LAMP3: variants seen among roughly 807,000 people sequenced by gnomAD.
The protein encoded by LAMP3 is lysosome associated membrane protein 3, also known as lysosome-associated membrane glycoprotein 3.
A neutral mutation model predicts 34.8 loss-of-function variants in LAMP3; 26 were observed. That is an observed-to-expected ratio of 0.75 (90% CI 0.55 to 1.04). The LOEUF is 1.04. Among genes scored for constraint, LAMP3 ranks in the 50% least tolerant of loss-of-function variants. LAMP3 has a pLI of 0.00. For synonymous variants in LAMP3, 180 were observed against 201.9 expected (o/e 0.89, Z 0.92); for missense variants, 495 against 524.0 (o/e 0.94, Z 0.54).
intron 4 of LAMP3, among the ~76,000 whole-genome samples, chr3:183,140,087 C>G (rs934064579): frequency 2.0e-5 from 3 of 152,158 alleles, no homozygotes; most frequent in African/African-American, 7.2e-5. Flanking sequence ...AATCACATTG[C>G]TGGCTGCTTT....
In LAMP3 at chr3:183,162,635, C is replaced by T. The variant is rs769114693; in HGVS notation, c.21G>A (p.Ala7=). Residue 7 remains alanine, a synonymous_variant, in exon 1 of 6, where the codon GCG becomes GCA. Coordinates refer to ENST00000265598, the MANE Select transcript of LAMP3 (RefSeq NM_014398.4). ...CCAGGGACGCGAAGAGCGCGGCCGC[C>T]GCGCTGAGCTGCCGGGGCATGGTGG... is the stretch of plus-strand genomic sequence containing the variant. MPRQLS[A]AAALFASLAV... The T allele has an allele frequency of 8.4e-6, 13 of 1,543,468 alleles. No individual in the cohort carries two copies. The highest frequency in any genetic ancestry group is 2.0e-5 in the Admixed American group (1 of 50,678).
At chr3:183,153,394 T>G (rs1720717397) in intron 2 of LAMP3, among the ~76,000 whole-genome samples, 1 of 152,120 alleles carries the variant, frequency 6.6e-6, no homozygotes, top group Admixed American at 6.5e-5. Context: ...GGGGCTGAGA[T>G]CAACGCTGAA....
chr3:183,131,867 T>A, intron 5 of LAMP3: 1 of 924,586 alleles, frequency 1.1e-6, no homozygotes, highest in Non-Finnish European at 1.3e-6. Context: ...ATGAATAACA[T>A]CCTAAGCCAT....
intron 5 of LAMP3, among the ~76,000 whole-genome samples, 155 bp downstream of exon 5, chr3:183,135,562 C>T (rs1251631986): frequency 2.6e-5 from 4 of 152,148 alleles, no homozygotes; most frequent in African/African-American, 7.2e-5. Context: ...CTGAGGTGGC[C>T]AGAGGAGCCT....
In LAMP3 at chr3:183,160,521, G is replaced by A. The variant is rs139477263; in HGVS notation, c.49+2086C>T. Among the ~76,000 whole-genome samples the A allele has an allele frequency of 5.1e-4, 77 of 152,296 alleles. 1 individual carries two copies. In the East Asian group the frequency reaches 0.014, roughly 28 times the overall value. On this transcript the variant is annotated intron_variant, in intron 1 of 5. Transcript: ENST00000265598. Reference sequence around the variant, plus strand: ...TGGGATTACAGGTGTGAGTCACTGTGCCCAGCCAAGGCCAGATGTCTTGAA... The same window carrying A: ...TGGGATTACAGGTGTGAGTCACTGTACCCAGCCAAGGCCAGATGTCTTGAA...
chr3:183,141,801 GGCACTTCCAA>G (rs1221010817), intron 3 of LAMP3, among the ~76,000 whole-genome samples: 2 of 152,192 alleles, frequency 1.3e-5, no homozygotes, highest in Non-Finnish European at 2.9e-5. Flanking sequence ...CACTGTCGCA[GGCACTTCCAA>G]GCACTTGCCT....
At chr3:183,133,071 GT>G (rs1253309967) in intron 5 of LAMP3, 11 of 351,000 alleles carry the variant, frequency 3.1e-5, no homozygotes, top group African/African-American at 2.2e-4. Context: ...AGATGGAGCT[GT>G]TGGGGCTCAG....
At chr3:183,159,353 T>C (rs114216289) in intron 1 of LAMP3, among the ~76,000 whole-genome samples, 1,630 of 152,238 alleles carry the variant, frequency 0.011, 26 homozygotes, top group African/African-American at 0.037. Context: ...CTTGTATGTC[T>C]GGAGAACAGC....
chr3:183,159,487 C>A (rs1023244148), intron 1 of LAMP3, among the ~76,000 whole-genome samples: 3 of 152,198 alleles, frequency 2.0e-5, no homozygotes, highest in Admixed American at 1.3e-4. Context: ...CTCTGAGGAG[C>A]ACAGTCAGGG....
At chr3:183,162,354 G>C (rs1175566611) in intron 1 of LAMP3, among the ~76,000 whole-genome samples, 5 of 152,090 alleles carry the variant, frequency 3.3e-5, no homozygotes, top group South Asian at 2.1e-4. Context: ...TCTTAAATCC[G>C]AGTGACCTCT....
chr3:183,145,977 T>G (rs957727540), intron 3 of LAMP3, among the ~76,000 whole-genome samples: 1 of 152,230 alleles, frequency 6.6e-6, no homozygotes, highest in African/African-American at 2.4e-5. Flanking sequence ...CTCAGTAAAT[T>G]CTTACTAATA....
intron 3 of LAMP3, among the ~76,000 whole-genome samples, chr3:183,150,797 C>T (rs760616754): frequency 1.3e-5 from 2 of 152,018 alleles, no homozygotes; most frequent in African/African-American, 2.4e-5. Context: ...CTCCTGGCCT[C>T]GAGTGATTCT....
At chr3:183,148,777 A>C (rs1314009785) in intron 3 of LAMP3, among the ~76,000 whole-genome samples, 2 of 152,242 alleles carry the variant, frequency 1.3e-5, no homozygotes, top group Non-Finnish European at 2.9e-5. Flanking sequence ...AAGATGGAGA[A>C]AAGTTTGGAT....
At chr3:183,133,010 A>G (rs952854758) in intron 5 of LAMP3, 2 of 863,818 alleles carry the variant, frequency 2.3e-6, no homozygotes, top group Non-Finnish European at 2.8e-6. Context: ...AATGCTGGGA[A>G]GTGGCACTGC....
At chr3:183,152,340 C>A in intron 3 of LAMP3, 35 bp downstream of exon 3, 1 of 1,566,444 alleles carries the variant, frequency 6.4e-7, no homozygotes, top group African/African-American at 1.4e-5. Context: ...AAAGCTGTAC[C>A]AGATGCAGTT....
In LAMP3 at chr3:183,124,065, T is replaced by TC. The variant is rs771993605; in HGVS notation, c.*15dup. The TC allele has an allele frequency of 5.0e-6, 8 of 1,613,678 alleles. No homozygotes were observed. The highest frequency in any genetic ancestry group is 2.7e-5 in the African/African-American group (2 of 74,902). On this transcript the variant is annotated 3_prime_UTR_variant, in exon 6 of 6. Coordinates refer to ENST00000265598, the MANE Select transcript of LAMP3 (RefSeq NM_014398.4). Reference sequence around the variant, plus strand: ...GTTCTCTAAATTCCATTATTTTCATTCCCCCCGGGCAACAATTAGATTCTC... The same window carrying TC: ...GTTCTCTAAATTCCATTATTTTCATTCCCCCCCGGGCAACAATTAGATTCTC...
chr3:183,140,654 G>T, intron 3 of LAMP3, 59 bp from the exon 4 acceptor site: 4 of 1,147,050 alleles, frequency 3.5e-6, no homozygotes, highest in South Asian at 1.3e-5. Context: ...TTACAATCTT[G>T]GTTTATAAAC....
chr3:183,149,117 C>T (rs187185543), intron 3 of LAMP3, among the ~76,000 whole-genome samples: 21 of 151,842 alleles, frequency 1.4e-4, no homozygotes, highest in Admixed American at 1.3e-3. Flanking sequence ...TACCTTCTCA[C>T]TTATTTGTGG....
chr3:183,135,702 C>G lies in LAMP3; in HGVS notation c.1117+15G>C, dbSNP rs375154482. 10 of 1,612,566 alleles carry G rather than the reference C, an allele frequency of 6.2e-6. No individual in the cohort carries two copies. Among genetic ancestry groups the G allele is most frequent in the Non-Finnish European group, 8.5e-6 (10 of 1,178,818 alleles). On this transcript the variant is annotated intron_variant, in intron 5 of 5. Transcript: ENST00000265598. ...CTAAAGTGTATGTTTGCAACCTGATCGACCCTTAACTTACCATTTCCAAAG... is the reference window on the plus strand; with the variant it reads ...CTAAAGTGTATGTTTGCAACCTGATGGACCCTTAACTTACCATTTCCAAAG...
Sources: gnomAD v4.1 joint callset for allele counts (sites outside exome capture counted in the v4.1 genomes callset) on GRCh38, gnomAD v4.1.1 for gene constraint, MANE v1.5 for transcripts, NCBI Gene and HGNC (gene_info 2026-07-23, HGNC 2026-07-21) for gene names.